Variants in STK35 observed in about 807,000 individuals in gnomAD.
STK35 encodes the protein serine/threonine-protein kinase 35.
A neutral mutation model predicts 37.3 loss-of-function variants in STK35; 17 were observed. The observed-to-expected ratio is 0.46, with a 90% CI of 0.31 to 0.68. STK35 has a LOEUF of 0.68. Ranked by LOEUF, STK35 falls within the 30% of genes least tolerant of loss-of-function variation. STK35 has a pLI of 0.05. For synonymous variants in STK35, 385 were observed against 319.1 expected, an observed-to-expected ratio of 1.21 and a Z score of -2.20; for missense variants, 595 against 746.7, an observed-to-expected ratio of 0.80 and a Z score of 2.37.
At position 2,144,074 on chromosome 20, in the gene STK35, G is replaced by T; in HGVS notation, c.*328G>T. 2.9e-6 allele frequency: 1 copy of T among 341,098 alleles called. No homozygotes were observed. Among genetic ancestry groups the T allele is most frequent in the Non-Finnish European group, 5.6e-6 (1 of 178,922 alleles). 21.1% of individuals were successfully genotyped at this position (341,098 alleles called of 1,614,324 possible). A position where few individuals can be genotyped will look rare whatever the true frequency, so the allele number is the denominator to read the frequency against. ...TTTAAAGAAATTCAATGTGGGCAAG[G>T]CATATGTGTAAATTTCACTTTTACT... On this transcript the variant is annotated 3_prime_UTR_variant, in exon 4 of 4. Transcript: ENST00000381482.
intron 2 of STK35, among the ~76,000 whole-genome samples, chr20:2,104,260 G>T (rs1278379526): frequency 2.6e-5 from 4 of 152,162 alleles, no homozygotes; most frequent in African/African-American, 9.7e-5. Context: ...GAGGAGAGAG[G>T]CGGTAGAAAG....
At position 2,117,262 on chromosome 20, in the gene STK35, T is replaced by A. The variant is rs770241961; in HGVS notation, c.1489T>A (p.Ser497Thr). The A allele has an allele frequency of 1.7e-5, 27 of 1,614,120 alleles. No individual in the cohort carries two copies. Among genetic ancestry groups the A allele is most frequent in the Non-Finnish European group, 2.3e-5 (27 of 1,180,024 alleles). The change falls in exon 3 of 4, where the codon TCC becomes ACC. Residue 497 changes from serine to threonine, a missense_variant. Ser to Thr is a moderately conservative substitution (Grantham distance 58). Around this residue, in one of 3 missense-constraint regions of STK35, gnomAD observed 109 missense variants for 280.3 expected, o/e 0.39. Coordinates refer to ENST00000381482, the MANE Select transcript of STK35 (RefSeq NM_080836.4). This position sits in a 1 kb window ranked among gnomAD's most constrained non-coding sequence, Gnocchi z 4.4. The part of the protein sequence containing the change: ...ELHIPQKRRT[S>T]MSEGIKQLLK... ...GCACATCCCCCAAAAACGCAGGACT[T>A]CCATGTCTGAGGGGATCAAGCAGCT...
At chr20:2,122,817 C>T (rs1028268997) in intron 3 of STK35, among the ~76,000 whole-genome samples, 4 of 152,172 alleles carry the variant, frequency 2.6e-5, no homozygotes, top group African/African-American at 9.7e-5. Flanking sequence ...CTTTGGTAGC[C>T]TCACTTTTGT....
At chr20:2,103,687 A>AGG (rs1047784232) in intron 2 of STK35, among the ~76,000 whole-genome samples, 63 of 152,148 alleles carry the variant, frequency 4.1e-4, no homozygotes, top group African/African-American at 1.4e-3. Context: ...GGGGGAGTGG[A>AGG]GGAGGGGTCG....
intron 3 of STK35, among the ~76,000 whole-genome samples, chr20:2,128,559 G>A (rs1985944696): frequency 6.6e-6 from 1 of 152,164 alleles, no homozygotes; most frequent in Admixed American, 6.5e-5. Context: ...TTTGTCTTCA[G>A]GATAGGGTGA....
chr20:2,106,231 C>T (rs183890565), intron 2 of STK35, among the ~76,000 whole-genome samples: 4 of 152,274 alleles, frequency 2.6e-5, no homozygotes, highest in Admixed American at 2.6e-4. Context: ...GCAAATACCA[C>T]CCAGTAATGT....
intron 2 of STK35, among the ~76,000 whole-genome samples, chr20:2,113,512 C>A (rs889027609): frequency 6.6e-6 from 1 of 152,286 alleles, no homozygotes; most frequent in Admixed American, 6.5e-5. Context: ...AGAGGGATCA[C>A]TTCAAATAGG....
At chr20:2,136,939 A>C (rs1986097543) in intron 3 of STK35, among the ~76,000 whole-genome samples, 1 of 152,170 alleles carries the variant, frequency 6.6e-6, no homozygotes. Context: ...ATGGGAACCC[A>C]AAGGGTGAAT....
intron 2 of STK35, among the ~76,000 whole-genome samples, chr20:2,114,388 G>A (rs1335987592): frequency 6.6e-6 from 1 of 152,104 alleles, no homozygotes; most frequent in Admixed American, 6.5e-5. Context: ...AGGCTACTGT[G>A]AGCTATGGTC....
intron 3 of STK35, among the ~76,000 whole-genome samples, chr20:2,118,028 A>C (rs966801571): frequency 1.3e-5 from 2 of 152,218 alleles, no homozygotes; most frequent in Non-Finnish European, 2.9e-5. Flanking sequence ...AATGTGCATA[A>C]GAGGTAGACA....
intron 3 of STK35, among the ~76,000 whole-genome samples, chr20:2,130,821 G>T (rs548469626): frequency 6.6e-6 from 1 of 152,122 alleles, no homozygotes; most frequent in Non-Finnish European, 1.5e-5. Flanking sequence ...ACCTTATCTG[G>T]ACGGTCAGCC....
chr20:2,141,730 T>C (rs1222335688), intron 3 of STK35, among the ~76,000 whole-genome samples: 2 of 152,194 alleles, frequency 1.3e-5, no homozygotes, highest in Non-Finnish European at 2.9e-5. Flanking sequence ...TACATAGTTA[T>C]GGTCATGCTG....
intron 2 of STK35, among the ~76,000 whole-genome samples, chr20:2,111,560 T>C (rs1985619177): frequency 6.6e-6 from 1 of 152,020 alleles, no homozygotes; most frequent in African/African-American, 2.4e-5. Context: ...TAGCCGGGCG[T>C]GGTGGTGCAT....
At chr20:2,127,071 C>T (rs1373146042) in intron 3 of STK35, among the ~76,000 whole-genome samples, 2 of 151,946 alleles carry the variant, frequency 1.3e-5, no homozygotes, top group East Asian at 1.9e-4. Flanking sequence ...CCCCTGAACT[C>T]GGAGGCCTGG....
intron 3 of STK35, among the ~76,000 whole-genome samples, chr20:2,143,357 A>G (rs1230146015): frequency 6.6e-6 from 1 of 152,202 alleles, no homozygotes; most frequent in Admixed American, 6.5e-5. Flanking sequence ...TGGCGTTTCT[A>G]ACAAACAGCA....
At chr20:2,122,765 A>C (rs567057764) in intron 3 of STK35, among the ~76,000 whole-genome samples, 2 of 152,332 alleles carry the variant, frequency 1.3e-5, no homozygotes, top group East Asian at 3.9e-4. Flanking sequence ...ACTTTGGCCT[A>C]GGTAGAAGTA....
chr20:2,124,977 C>G (rs1002594837), intron 3 of STK35, among the ~76,000 whole-genome samples: 1 of 152,170 alleles, frequency 6.6e-6, no homozygotes, highest in Non-Finnish European at 1.5e-5. Flanking sequence ...GGGCCGATGG[C>G]CCCCCAGGGA....
chr20:2,128,194 A>G (rs1170894232), intron 3 of STK35, among the ~76,000 whole-genome samples: 2 of 152,170 alleles, frequency 1.3e-5, no homozygotes, highest in Admixed American at 6.5e-5. Context: ...GATGAACACA[A>G]AAGCTTCAGA....
intron 2 of STK35, among the ~76,000 whole-genome samples, chr20:2,104,363 G>C (rs6081962): frequency 0.46 from 69,645 of 152,016 alleles, 16,808 homozygotes; most frequent in East Asian, 0.94. Flanking sequence ...GTAATTTTTA[G>C]GTAATAACTT....
Sources: allele counts gnomAD v4.1 joint callset (sites outside exome capture counted in the v4.1 genomes callset), GRCh38; gene constraint gnomAD v4.1.1; regional missense constraint gnomAD v4.1.1; non-coding constraint Gnocchi (gnomAD v3.1); transcripts MANE v1.5; gene names NCBI Gene and HGNC (gene_info 2026-07-23, HGNC 2026-07-21).